The following IKZF3 variants were observed in gnomAD, a reference collection of about 807,000 sequenced individuals.
IKZF3 encodes the protein IKAROS family zinc finger 3.
A neutral mutation model predicts 49.0 loss-of-function variants in IKZF3; 10 were observed. The observed-to-expected ratio is 0.20, with a 90% CI of 0.13 to 0.35. The LOEUF is 0.35. Ranked by LOEUF, IKZF3 falls within the 10% of genes least tolerant of loss-of-function variation. The pLI is 1.00. For synonymous variants in IKZF3, 209 were observed against 228.2 expected (o/e 0.92, Z 0.76); for missense variants, 498 against 664.8 (o/e 0.75, Z 2.76).
At chr17:39,830,244 C>G (rs2062073556) in intron 2 of IKZF3, among the ~76,000 whole-genome samples, 1 of 152,160 alleles carries the variant, frequency 6.6e-6, no homozygotes, top group African/African-American at 2.4e-5. Flanking sequence ...TTCTGTTTTT[C>G]CCTTCTGTTC....
chr17:39,788,120 T>C, intron 6 of IKZF3, 138 bp downstream of exon 6: 2 of 600,436 alleles, frequency 3.3e-6, no homozygotes, highest in East Asian at 2.9e-5. Context: ...ACCTTCCAAC[T>C]TACAGTTTGC....
intron 3 of IKZF3, among the ~76,000 whole-genome samples, chr17:39,814,021 CAT>C (rs1045415050): frequency 6.6e-6 from 1 of 152,200 alleles, no homozygotes; most frequent in Non-Finnish European, 1.5e-5. Context: ...ATAAACCACA[CAT>C]GTGGCTTAAT....
intron 5 of IKZF3, among the ~76,000 whole-genome samples, chr17:39,790,956 A>G (rs528159748): frequency 6.6e-6 from 1 of 152,246 alleles, no homozygotes; most frequent in South Asian, 2.1e-4. Flanking sequence ...TTTATCCCAA[A>G]TGGCCAAAAA....
intron 3 of IKZF3, among the ~76,000 whole-genome samples, chr17:39,811,235 T>TGAAAGAAAGAAAGAAAGGAA (rs147416075): frequency 3.0e-4 from 43 of 141,446 alleles, no homozygotes; most frequent in Admixed American, 6.5e-4. Context: ...AGACCCTGTC[T>TGAAAGAAAGAAAGAAAGGAA]GAAAGAAAGA....
At chr17:39,833,178 G>A (rs1403172076) in intron 1 of IKZF3, among the ~76,000 whole-genome samples, 3 of 152,100 alleles carry the variant, frequency 2.0e-5, no homozygotes, top group African/African-American at 7.2e-5. Context: ...AAAATAAGTT[G>A]CAGATATCAG....
At chr17:39,837,466 C>G (rs12938110) in intron 1 of IKZF3, among the ~76,000 whole-genome samples, 1 of 144,868 alleles carries the variant, frequency 6.9e-6, no homozygotes, top group African/African-American at 2.6e-5. Context: ...TTTTTAGAGA[C>G]AGGGTCTTGC....
rs1362099735 is a variant in IKZF3 at position 39,792,949 on chromosome 17, T to C, written c.164-16A>G. ...ATTGAATCATCTGCAGGGAAGAAAA[T>C]GCAAGAAATGAACAACGACTATACT... is the stretch of plus-strand genomic sequence containing the variant. On this transcript the variant is annotated splice_polypyrimidine_tract_variant and intron_variant, in intron 3 of 7. Coordinates refer to ENST00000346872, the MANE Select transcript of IKZF3 (RefSeq NM_012481.5). The C allele has an allele frequency of 6.2e-7, 1 of 1,610,018 alleles. No homozygotes were observed. The highest frequency in any genetic ancestry group is 2.2e-5 in the East Asian group (1 of 44,862).
At chr17:39,850,072 ACT>A (rs1568062085) in intron 1 of IKZF3, among the ~76,000 whole-genome samples, 1 of 91,880 alleles carries the variant, frequency 1.1e-5, no homozygotes, top group Non-Finnish European at 2.8e-5. Flanking sequence ...ATGTATATAT[ACT>A]ATATGCATAT....
intron 1 of IKZF3, among the ~76,000 whole-genome samples, chr17:39,861,498 T>C (rs1184439633): frequency 5.9e-5 from 9 of 152,130 alleles, no homozygotes; most frequent in African/African-American, 9.7e-5. Context: ...AACAGGAATT[T>C]TGAAAAATTA....
At chr17:39,808,774 C>A (rs1022114140) in intron 3 of IKZF3, among the ~76,000 whole-genome samples, 2 of 152,030 alleles carry the variant, frequency 1.3e-5, no homozygotes, top group African/African-American at 4.8e-5. Context: ...GGACTAGAAC[C>A]GGAAAATCAA....
intron 1 of IKZF3, among the ~76,000 whole-genome samples, chr17:39,837,576 GT>G (rs796753511): frequency 7.5e-4 from 111 of 148,634 alleles, no homozygotes; most frequent in Middle Eastern, 3.6e-3. Flanking sequence ...ACCTGGCCCA[GT>G]TTTTTTTTCC....
At chr17:39,797,167 GAAA>G (rs753833061) in intron 3 of IKZF3, among the ~76,000 whole-genome samples, 1 of 132,348 alleles carries the variant, frequency 7.6e-6, no homozygotes. Context: ...TCCGTCTCAA[GAAA>G]AAAAAAAAAA....
At position 39,832,136 on chromosome 17, in the gene IKZF3, G is replaced by A. The variant is rs892775511; in HGVS notation, c.23C>T (p.Ala8Val). The change falls in exon 2 of 8, where the codon GCG becomes GTG. Residue 8 changes from alanine (A) to valine (V), a missense_variant. Physicochemically the swap from Ala to Val is moderately conservative, Grantham distance 64. Around this residue, in one of 3 missense-constraint regions of IKZF3, gnomAD observed 97 missense variants for 98.9 expected, o/e 0.98. Coordinates refer to ENST00000346872, the MANE Select transcript of IKZF3 (RefSeq NM_012481.5). ...CTGCTCCTGAGTGCTTTTCAGTTCC[G>A]CATTTGTTTGTATATCTGAAAAGAA... MEDIQTN[A>V]ELKSTQEQSV... 6.2e-6 allele frequency: 10 copies of A among 1,611,164 alleles called. No individual in the cohort carries two copies. The African/African-American group carries it at 8.0e-5, about 13-fold the overall frequency.
chr17:39,783,090 C>G (rs978406101), intron 6 of IKZF3, among the ~76,000 whole-genome samples: 6 of 152,060 alleles, frequency 3.9e-5, no homozygotes, highest in Non-Finnish European at 7.4e-5. Context: ...TGTTCAAAAT[C>G]CTTCATTAGA....
chr17:39,826,975 T>C (rs2061973815), intron 3 of IKZF3, among the ~76,000 whole-genome samples: 1 of 152,202 alleles, frequency 6.6e-6, no homozygotes, highest in African/African-American at 2.4e-5. Context: ...ATGCTGGTAG[T>C]CCCAAGGGCT....
At chr17:39,850,698 C>CATTATATATAATACATTATATATAT (rs1277314567) in intron 1 of IKZF3, among the ~76,000 whole-genome samples, 133 of 2,202 alleles carry the variant, frequency 0.06, no homozygotes, top group Non-Finnish European at 0.093. Context: ...ATTATATATA[C>CATTATATATAATACATTATATATAT]ATTATATATA....
chr17:39,766,357 G>A lies in IKZF3; in HGVS notation c.963C>T (p.Arg321=), dbSNP rs368149370. 53 of 1,614,076 alleles carry A rather than the reference G, an allele frequency of 3.3e-5. No homozygotes were observed. Among genetic ancestry groups the A allele is most frequent in the Non-Finnish European group, 4.2e-5 (50 of 1,180,052 alleles). ...GAGCAGGCGGTGTCTGGACCAAGGG[G>A]CGCAGGGCTTCGGCGCCAAGATAGC... is the stretch of plus-strand genomic sequence containing the variant. ...AISYLGAEAL[R]PLVQTPPAPT... Residue 321 remains arginine (R), a synonymous_variant, in exon 8 of 8, where the codon CGC becomes CGT. Coordinates refer to ENST00000346872, the MANE Select transcript of IKZF3 (RefSeq NM_012481.5).
chr17:39,787,218 A>G (rs952386007), intron 6 of IKZF3, among the ~76,000 whole-genome samples: 6 of 152,252 alleles, frequency 3.9e-5, no homozygotes, highest in African/African-American at 1.4e-4. Flanking sequence ...AGCCAACTCA[A>G]TGGGACAAAG....
At chr17:39,829,235 T>C (rs148950224) in intron 3 of IKZF3, 152 bp downstream of exon 3, 7,926 of 544,510 alleles carry the variant, frequency 0.015, 92 homozygotes, top group Middle Eastern at 0.021. Flanking sequence ...CCTACAACTA[T>C]GAAATGCAAA....
Sources: gnomAD v4.1 joint callset for allele counts (sites outside exome capture counted in the v4.1 genomes callset) on GRCh38, gnomAD v4.1.1 for gene constraint, gnomAD v4.1.1 regional missense constraint, MANE v1.5 for transcripts, NCBI Gene and HGNC (gene_info 2026-07-23, HGNC 2026-07-21) for gene names.